The following NIPSNAP3B variants were observed in gnomAD, a reference collection of about 807,000 sequenced individuals.
NIPSNAP3B encodes the protein nipsnap homolog 3B.
A neutral mutation model predicts 31.5 loss-of-function variants in NIPSNAP3B; 30 were observed. That is an observed-to-expected ratio of 0.95 (90% confidence interval 0.71 to 1.29). The LOEUF (loss-of-function observed/expected upper bound fraction) is 1.29, where lower values mean the gene tolerates loss of function less well. Ranked by LOEUF, NIPSNAP3B falls within the 50% of genes most tolerant of loss-of-function variation. The pLI, the probability that NIPSNAP3B is intolerant of heterozygous loss-of-function variation, is 0.00. For missense variants in NIPSNAP3B, 269 were observed against 300.7 expected (o/e 0.89, Z 0.78); for synonymous variants, 106 against 107.9 (o/e 0.98, Z 0.11).
At chr9:104,769,119 T>A in intron 3 of NIPSNAP3B, 98 bp downstream of exon 3, 3 of 856,270 alleles carry the variant, frequency 3.5e-6, no homozygotes, top group South Asian at 2.8e-5. Context: ...AATATATAAT[T>A]CTTTGTTTTA....
downstream of NIPSNAP3B, chr9:104,781,872 T>C (rs1489869914): frequency 6.6e-6 from 1 of 152,432 alleles, no homozygotes; most frequent in African/African-American, 2.4e-5. Context: ...TAAAAATTTC[T>C]ACCACAATTA....
Position 104,775,884 on chromosome 9 carries a change from T to C in NIPSNAP3B, c.*2811T>C, listed in dbSNP as rs891397869. On this transcript the variant is annotated 3_prime_UTR_variant, in exon 6 of 6. Transcript: ENST00000374762. ...CAGCAGGTCCCAAATATCTAGAATTTGATTGCTTCACATCCCTATAGCAAC... is the reference window on the plus strand; with the variant it reads ...CAGCAGGTCCCAAATATCTAGAATTCGATTGCTTCACATCCCTATAGCAAC... Among the ~76,000 whole-genome samples, 13 of 152,198 alleles carry C rather than the reference T, an allele frequency of 8.5e-5. No homozygotes were observed. Among genetic ancestry groups the C allele is most frequent in the Non-Finnish European group, 1.3e-4 (9 of 68,034 alleles).
chr9:104,767,218 G>C (rs1828108034), intron 2 of NIPSNAP3B, among the ~76,000 whole-genome samples: 1 of 152,060 alleles, frequency 6.6e-6, no homozygotes, highest in South Asian at 2.1e-4. Flanking sequence ...TAATAATTCT[G>C]TTATGTTTAG....
intron 2 of NIPSNAP3B, among the ~76,000 whole-genome samples, 181 bp downstream of exon 2, chr9:104,766,716 C>A (rs189402629): frequency 6.6e-5 from 10 of 152,120 alleles, no homozygotes; most frequent in African/African-American, 2.4e-4. Flanking sequence ...CTCTAACCAC[C>A]CCTTGCTTGA....
chr9:104,783,398 CAG>C, the NIPSNAP3B span: 1 of 152,190 alleles, frequency 6.6e-6, no homozygotes, highest in African/African-American at 2.4e-5. Flanking sequence ...ACCATGTTAG[CAG>C]ACAGTCAGGA....
chr9:104,790,726 G>T, the NIPSNAP3B span, among the ~76,000 whole-genome samples: 1 of 152,162 alleles, frequency 6.6e-6, no homozygotes, highest in South Asian at 2.1e-4. Context: ...GAATGAGACT[G>T]AAAGGAAATG....
At chr9:104,784,613 T>C in the NIPSNAP3B span, among the ~76,000 whole-genome samples, 3 of 152,132 alleles carry the variant, frequency 2.0e-5, no homozygotes, top group Non-Finnish European at 2.9e-5. Context: ...GAGGGAAGAA[T>C]ACTTGAAAAA....
rs1455266344 is a variant in NIPSNAP3B, at chr9:104,775,668, G to A, written c.*2595G>A. Among the ~76,000 whole-genome samples, 1 of 152,062 alleles carries A rather than the reference G, an allele frequency of 6.6e-6. No individual in the cohort carries two copies. Among genetic ancestry groups the A allele is most frequent in the Admixed American group, 6.5e-5 (1 of 15,272 alleles). ...AATTCCAGGCTCATCACATCCAGGT[G>A]TGTTCCCCACACCTCCACCTGAATG... On this transcript the variant is annotated 3_prime_UTR_variant, in exon 6 of 6. Coordinates refer to ENST00000374762, the MANE Select transcript of NIPSNAP3B (RefSeq NM_018376.4).
the NIPSNAP3B span, chr9:104,788,203 A>C: frequency 1.7e-6 from 2 of 1,163,992 alleles, no homozygotes; most frequent in Non-Finnish European, 2.6e-6. Flanking sequence ...AAGCAGGGAG[A>C]AGGGACTCGT....
chr9:104,785,556 G>C, the NIPSNAP3B span: 2 of 1,612,790 alleles, frequency 1.2e-6, no homozygotes, highest in Non-Finnish European at 1.7e-6. Flanking sequence ...TCCAGGAAAT[G>C]CAAGTCCAAA....
chr9:104,780,022 G>A (rs1828437684), downstream of NIPSNAP3B, among the ~76,000 whole-genome samples: 2 of 152,282 alleles, frequency 1.3e-5, no homozygotes, highest in Admixed American at 6.5e-5. Flanking sequence ...GCGAGATTCT[G>A]TTTCTCAAAA....
rs1020522681 is a variant in NIPSNAP3B, at chr9:104,774,669, A to G, written c.*1596A>G. On this transcript the variant is annotated 3_prime_UTR_variant, in exon 6 of 6. Transcript: ENST00000374762. ...CTTAAAGGCTTCCCCGGTTTAAGCA[A>G]AAATAGAATTATGTGGTTTAAATCA... Among the ~76,000 whole-genome samples the G allele has an allele frequency of 6.6e-6, 1 of 152,174 alleles. No individual in the cohort carries two copies. Among genetic ancestry groups the G allele is most frequent in the Non-Finnish European group, 1.5e-5 (1 of 68,034 alleles).
rs79639821 is a variant in NIPSNAP3B, at chr9:104,773,478, A to T, written c.*405A>T. 3.2e-3 allele frequency: 501 copies of T among 154,720 alleles called. No homozygotes were observed. The highest frequency in any genetic ancestry group is 6.1e-3 in the Non-Finnish European group (423 of 69,794). 9.6% of individuals were successfully genotyped at this position (154,720 alleles called of 1,614,324 possible). A position where few individuals can be genotyped will look rare whatever the true frequency, so the allele number is the denominator to read the frequency against. On this transcript the variant is annotated 3_prime_UTR_variant, in exon 6 of 6. Coordinates refer to ENST00000374762, the MANE Select transcript of NIPSNAP3B (RefSeq NM_018376.4). The stretch of plus-strand genomic sequence containing the variant: ...ATATCTATCTTTTCATCATGTCTAT[A>T]GTTCCTGAGATTTTAAAAAAATTTG...
At chr9:104,788,003 ATT>A in the NIPSNAP3B span, 1 of 1,614,048 alleles carries the variant, frequency 6.2e-7, no homozygotes, top group East Asian at 2.2e-5. Context: ...TTACCAGCAT[ATT>A]TTTCTCCATA....
At chr9:104,785,366 A>T in the NIPSNAP3B span, 1 of 1,613,430 alleles carries the variant, frequency 6.2e-7, no homozygotes, top group East Asian at 2.2e-5. Flanking sequence ...CACCCTGAGA[A>T]GTAAATCTGT....
chr9:104,766,405 A>G lies in NIPSNAP3B; in HGVS notation c.141A>G (p.Ser47=). Residue 47 remains serine (S), a synonymous_variant, in exon 2 of 6, where the codon TCA becomes TCG. Coordinates refer to ENST00000374762, the MANE Select transcript of NIPSNAP3B (RefSeq NM_018376.4). ...TTCGTACTTATTACCTTAAACCTTC[A>G]AATATGAATGCGTTCATGGAAAATC... ...YEFRTYYLKP[S]NMNAFMENLK... The G allele has an allele frequency of 6.2e-7, 1 of 1,613,830 alleles. No homozygotes were observed. Among genetic ancestry groups the G allele is most frequent in the Non-Finnish European group, 8.5e-7 (1 of 1,179,758 alleles).
chr9:104,769,067 T>G, intron 3 of NIPSNAP3B, 46 bp downstream of exon 3: 1 of 1,433,512 alleles, frequency 7.0e-7, no homozygotes, highest in Non-Finnish European at 9.5e-7. Flanking sequence ...AGTAAAATAC[T>G]AAAGACCTAA....
chr9:104,788,354 G>C, the NIPSNAP3B span: 1 of 1,605,086 alleles, frequency 6.2e-7, no homozygotes, highest in Non-Finnish European at 8.5e-7. Flanking sequence ...GTCAATGCGT[G>C]TGGAAAAGCC....
rs1039953485 is a variant in NIPSNAP3B at position 104,773,896 on chromosome 9, A to G, written c.*823A>G. ...TTATATGATCTCTAAAGCTCTTGCT[A>G]TGTTGCTATAAGACAGTAATATAGT... is the stretch of plus-strand genomic sequence containing the variant. On this transcript the variant is annotated 3_prime_UTR_variant, in exon 6 of 6. Transcript: ENST00000374762. 1 of 152,150 alleles carries G rather than the reference A, an allele frequency of 6.6e-6. No individual in the cohort carries two copies. Among genetic ancestry groups the G allele is most frequent in the African/African-American group, 2.4e-5 (1 of 41,432 alleles). The allele number at this position is 152,150 out of a possible 1,614,324, so 9.4% of individuals were successfully genotyped here. A position where few individuals can be genotyped will look rare whatever the true frequency, so the allele number is the denominator to read the frequency against.
Sources: allele counts gnomAD v4.1 joint callset (sites outside exome capture counted in the v4.1 genomes callset), GRCh38; gene constraint gnomAD v4.1.1; transcripts MANE v1.5; gene names NCBI Gene and HGNC (gene_info 2026-07-23, HGNC 2026-07-21).